The following ERAP1 variants were observed in gnomAD, a reference collection of about 807,000 sequenced individuals.
ERAP1 encodes the protein adipocyte-derived leucine aminopeptidase.
ERAP1 carries 86 observed loss-of-function variants against 103.7 expected under a neutral mutation model. The ratio of observed to expected loss-of-function variants is 0.83; its 90% CI spans 0.70 to 0.99. The LOEUF (loss-of-function observed/expected upper bound fraction) is 0.99. ERAP1 is among the 50% of genes least tolerant of loss of function. ERAP1 has a pLI of 0.00. For missense variants in ERAP1, 1,009 were observed against 1,128.4 expected (o/e 0.89, Z 1.52); for synonymous variants, 398 against 402.4 (o/e 0.99, Z 0.13).
chr5:96,889,153 T>C, the ERAP1 span: 1 of 1,611,754 alleles, frequency 6.2e-7, no homozygotes, highest in Admixed American at 1.7e-5. Context: ...GGAGCTGTCA[T>C]TCAAAAACCT....
the ERAP1 span, among the ~76,000 whole-genome samples, chr5:96,924,761 C>T: frequency 1.3e-5 from 2 of 152,074 alleles, no homozygotes; most frequent in East Asian, 3.8e-4. Flanking sequence ...CCATGCCAGG[C>T]TAATTTTTGT....
rs1357580422 is a variant in ERAP1, at chr5:96,807,903, C to T, written c.-61G>A. On this transcript the variant is annotated 5_prime_UTR_variant, in exon 1 of 19. It adds an upstream start codon to the 5' untranslated region. Coordinates refer to ENST00000443439, the MANE Select transcript of ERAP1 (RefSeq NM_001040458.3). ...CCTCACCCTTGCGCCGCCGCCACCA[C>T]CACTGCCGCCGGCCTAGCTCCCCCA... 2 of 986,232 alleles carry T rather than the reference C, an allele frequency of 2.0e-6. No homozygotes were observed. Among genetic ancestry groups the T allele is most frequent in the Middle Eastern group, 5.1e-4 (1 of 1,942 alleles). The allele number at this position is 986,232 out of a possible 1,614,324, so 61.1% of individuals were successfully genotyped here.
the ERAP1 span, chr5:96,935,677 T>G: frequency 6.3e-6 from 1 of 158,368 alleles, no homozygotes; most frequent in Non-Finnish European, 1.4e-5. Context: ...CACTCGTGTG[T>G]CTTCTGTGTT....
chr5:96,820,254 T>G, the ERAP1 span, among the ~76,000 whole-genome samples: 1 of 152,190 alleles, frequency 6.6e-6, no homozygotes, highest in Non-Finnish European at 1.5e-5. Context: ...CAGCATTTGC[T>G]TATTTGCCAT....
At chr5:96,797,435 T>C in intron 3 of ERAP1, 126 bp from the exon 4 acceptor site, 3 of 1,005,050 alleles carry the variant, frequency 3.0e-6, no homozygotes, top group East Asian at 2.6e-5. Flanking sequence ...GAGTCCGAGG[T>C]AGGCAGAATG....
chr5:96,835,501 C>T, the ERAP1 span, among the ~76,000 whole-genome samples: 1 of 152,098 alleles, frequency 6.6e-6, no homozygotes, highest in Admixed American at 6.5e-5. Context: ...GTAGAACATC[C>T]TTACATGTAG....
At chr5:96,866,847 G>A in the ERAP1 span, among the ~76,000 whole-genome samples, 10 of 152,150 alleles carry the variant, frequency 6.6e-5, no homozygotes, top group Non-Finnish European at 1.5e-4. Flanking sequence ...AAACCATTCT[G>A]AAGCCAGGAG....
chr5:96,864,237 G>A, the ERAP1 span, among the ~76,000 whole-genome samples: 30 of 152,152 alleles, frequency 2.0e-4, no homozygotes, highest in Non-Finnish European at 4.0e-4. Context: ...GTGGCGATTT[G>A]ACACTTACCT....
At chr5:96,822,453 GA>G in the ERAP1 span, among the ~76,000 whole-genome samples, 1,789 of 152,188 alleles carry the variant, frequency 0.012, 12 homozygotes, top group Non-Finnish European at 0.017. Context: ...CAGAAACCTA[GA>G]AAAAAATCCA....
At chr5:96,781,587 G>T in intron 16 of ERAP1, 106 bp downstream of exon 16, 1 of 1,419,636 alleles carries the variant, frequency 7.0e-7, no homozygotes, top group Non-Finnish European at 9.9e-7. Context: ...TATGTTCCCA[G>T]CAGGATAGGC....
the ERAP1 span, chr5:96,889,303 T>G: frequency 2.5e-6 from 4 of 1,614,104 alleles, no homozygotes; most frequent in South Asian, 4.4e-5. Context: ...CTCTCCAAAC[T>G]GGGTATGTTC....
the ERAP1 span, among the ~76,000 whole-genome samples, chr5:96,926,332 C>T: frequency 8.5e-5 from 13 of 152,134 alleles, no homozygotes; most frequent in Non-Finnish European, 1.6e-4. Context: ...GCATAAAATT[C>T]ATCCATTTAA....
At chr5:96,913,931 G>A in the ERAP1 span, among the ~76,000 whole-genome samples, 9 of 152,176 alleles carry the variant, frequency 5.9e-5, no homozygotes, top group African/African-American at 1.4e-4. Flanking sequence ...CCTTGGTTCA[G>A]GTGAAAGAAA....
At chr5:96,891,547 CACACACACACACACACATATATGGT>C in the ERAP1 span, among the ~76,000 whole-genome samples, 1 of 138,500 alleles carries the variant, frequency 7.2e-6, no homozygotes, top group Non-Finnish European at 1.5e-5. Context: ...CACACACACA[CACACACACACACACACATATATGGT>C]ACACACACAC....
chr5:96,848,656 A>G, the ERAP1 span: 2 of 152,222 alleles, frequency 1.3e-5, no homozygotes, highest in Non-Finnish European at 2.9e-5. Context: ...TTCCCATCAA[A>G]GAAAGACCTA....
chr5:96,922,969 T>G, the ERAP1 span, among the ~76,000 whole-genome samples: 9 of 151,666 alleles, frequency 5.9e-5, no homozygotes, highest in Non-Finnish European at 1.2e-4. Context: ...TGTTTTTTGT[T>G]TTTTGTTTTT....
At chr5:96,806,464 G>A (rs1778602878) in intron 1 of ERAP1, among the ~76,000 whole-genome samples, 1 of 152,140 alleles carries the variant, frequency 6.6e-6, no homozygotes, top group Non-Finnish European at 1.5e-5. Flanking sequence ...CTTTACACAT[G>A]CTCACTCTCT....
the ERAP1 span, chr5:96,880,021 C>A: frequency 3.1e-6 from 5 of 1,613,986 alleles, no homozygotes; most frequent in African/African-American, 6.7e-5. Flanking sequence ...TCTTGCACAG[C>A]AAAGATCTTG....
At chr5:96,829,307 A>G in the ERAP1 span, among the ~76,000 whole-genome samples, 2 of 152,214 alleles carry the variant, frequency 1.3e-5, no homozygotes, top group African/African-American at 4.8e-5. Flanking sequence ...AAAATTTAAT[A>G]TGATTACTTA....
Sources: gnomAD v4.1 joint callset for allele counts (sites outside exome capture counted in the v4.1 genomes callset) on GRCh38, gnomAD v4.1.1 for gene constraint, MANE v1.5 for transcripts, NCBI Gene and HGNC (gene_info 2026-07-23, HGNC 2026-07-21) for gene names.